CGGBP1: variants seen among roughly 807,000 people sequenced by gnomAD.
CGGBP1 encodes CGG triplet repeat binding protein 1.
CGGBP1 carries 4 observed loss-of-function variants against 11.4 expected under a neutral mutation model. That is an observed-to-expected ratio of 0.35 (90% confidence interval 0.17 to 0.80). The LOEUF is 0.80. CGGBP1 is among the 30% of genes least tolerant of loss of function. CGGBP1 has a pLI of 0.52. For synonymous variants in CGGBP1, 76 were observed against 74.1 expected (o/e 1.03, Z -0.13); for missense variants, 135 against 202.1 (o/e 0.67, Z 2.01).
rs150776191 is a variant in CGGBP1 at position 88,081,175 on chromosome 3, G to C, written c.-228-22952C>G. Among the ~76,000 whole-genome samples the C allele has an allele frequency of 6.2e-4, 95 of 152,284 alleles. No homozygotes were observed. The East Asian group carries it at 0.015, about 25-fold the overall frequency. ...ATCAATCTATGCATTTTTGGCAGAA[G>C]TGCCACAAAAATGGCATTGTGTCTT... On this transcript the variant is annotated intron_variant, in intron 2 of 3. Coordinates refer to the CGGBP1 transcript ENST00000462901.
intron 2 of CGGBP1, among the ~76,000 whole-genome samples, chr3:88,093,193 T>G (rs1428364142): frequency 6.6e-6 from 1 of 152,192 alleles, no homozygotes; most frequent in Non-Finnish European, 1.5e-5. Flanking sequence ...TCTTACTGGT[T>G]TTTTCCTTTT....
chr3:88,100,003 A>G (rs1489825757), intron 2 of CGGBP1, among the ~76,000 whole-genome samples: 1 of 152,258 alleles, frequency 6.6e-6, no homozygotes, highest in Non-Finnish European at 1.5e-5. Context: ...GAGCTTCTGC[A>G]CAGCAAAAGA....
At chr3:88,095,530 G>T in intron 2 of CGGBP1, 2 of 491,862 alleles carry the variant, frequency 4.1e-6, no homozygotes, top group East Asian at 5.9e-5. Flanking sequence ...TCTTTTGCAA[G>T]AACCAGGTCT....
In CGGBP1 at chr3:88,143,676, A is replaced by G. The variant is rs558308659; in HGVS notation, c.-337-2598T>C. On this transcript the variant is annotated intron_variant, in intron 1 of 3. Coordinates refer to the CGGBP1 transcript ENST00000462901. ...CTGTTCATGCCAAGATGTTTCAAATATATTCCATTTGTAATCTGTCTTTAA... is the reference window on the plus strand; with the variant it reads ...CTGTTCATGCCAAGATGTTTCAAATGTATTCCATTTGTAATCTGTCTTTAA... 5 of 152,450 alleles carry G rather than the reference A, an allele frequency of 3.3e-5. No homozygotes were observed. The East Asian group carries it at 9.6e-4, about 29-fold the overall frequency. 9.4% of individuals were successfully genotyped at this position (152,450 alleles called of 1,614,324 possible).
At chr3:88,098,470 A>C (rs1704198657) in intron 2 of CGGBP1, among the ~76,000 whole-genome samples, 1 of 152,210 alleles carries the variant, frequency 6.6e-6, no homozygotes, top group Non-Finnish European at 1.5e-5. Context: ...AATCCTCCCT[A>C]ACTCTTTTTA....
chr3:88,120,826 G>A (rs1005735136), intron 2 of CGGBP1, among the ~76,000 whole-genome samples: 50 of 151,876 alleles, frequency 3.3e-4, no homozygotes, highest in Admixed American at 2.4e-3. Context: ...TGATTATAGC[G>A]TATTTTTGAA....
intron 2 of CGGBP1, chr3:88,095,474 C>G (rs1486940786): frequency 7.4e-6 from 3 of 405,002 alleles, no homozygotes; most frequent in East Asian, 7.7e-5. Context: ...ACATCAGTCT[C>G]TCTTCATAAA....
chr3:88,070,538 C>T (rs1350794747), intron 2 of CGGBP1, among the ~76,000 whole-genome samples: 1 of 147,492 alleles, frequency 6.8e-6, no homozygotes, highest in East Asian at 2.0e-4. Context: ...TGCTATACGC[C>T]ACTGTGGCAA....
At chr3:88,084,563 A>C (rs1277464577) in intron 2 of CGGBP1, among the ~76,000 whole-genome samples, 1 of 152,162 alleles carries the variant, frequency 6.6e-6, no homozygotes, top group African/African-American at 2.4e-5. Flanking sequence ...TTCAGAGACA[A>C]TCTCCTTTAG....
intron 2 of CGGBP1, among the ~76,000 whole-genome samples, chr3:88,081,741 C>T (rs1354573204): frequency 2.0e-5 from 3 of 152,140 alleles, no homozygotes; most frequent in Non-Finnish European, 4.4e-5. Context: ...AAGTTCCAGG[C>T]TCATCTTGTG....
chr3:88,059,542 G>A, upstream of CGGBP1: 1 of 1,453,912 alleles, frequency 6.9e-7, no homozygotes, highest in South Asian at 1.4e-5. Flanking sequence ...TTGTCACCCG[G>A]GTCCTGGGCC....
chr3:88,059,217 G>C (rs1433678914), upstream of CGGBP1: 2 of 1,483,606 alleles, frequency 1.3e-6, no homozygotes, highest in South Asian at 1.3e-5. Context: ...GGCTAGGGAG[G>C]AGGGAAGGGG....
chr3:88,105,618 C>T (rs1704688862), intron 2 of CGGBP1, among the ~76,000 whole-genome samples: 2 of 152,076 alleles, frequency 1.3e-5, no homozygotes, highest in Non-Finnish European at 2.9e-5. Flanking sequence ...GAGCTTGTAC[C>T]ATTTTGTATA....
chr3:88,062,381 G>GT (rs1353891993), upstream of CGGBP1, among the ~76,000 whole-genome samples: 1 of 152,104 alleles, frequency 6.6e-6, no homozygotes, highest in African/African-American at 2.4e-5. Context: ...ATAGAGGGGA[G>GT]TTTTTTGTTG....
exon 1 of CGGBP1, chr3:88,149,851 C>T (rs1707377152): frequency 4.9e-6 from 3 of 610,640 alleles, no homozygotes; most frequent in Non-Finnish European, 8.6e-6. Context: ...TCACTCCGTC[C>T]CCAGCCCGGA....
intron 2 of CGGBP1, among the ~76,000 whole-genome samples, chr3:88,092,475 T>C (rs1703801646): frequency 6.6e-6 from 1 of 152,168 alleles, no homozygotes; most frequent in African/African-American, 2.4e-5. Context: ...AGCAAAAATG[T>C]GCTGGGTGAG....
chr3:88,097,599 A>G (rs1409394163), intron 2 of CGGBP1, among the ~76,000 whole-genome samples: 1 of 152,178 alleles, frequency 6.6e-6, no homozygotes, highest in Non-Finnish European at 1.5e-5. Context: ...ACTCCTCAGC[A>G]AATGTAAAAG....
chr3:88,086,050 A>G (rs547673166), intron 2 of CGGBP1, among the ~76,000 whole-genome samples: 4 of 152,294 alleles, frequency 2.6e-5, no homozygotes, highest in Non-Finnish European at 4.4e-5. Flanking sequence ...TTCATACACT[A>G]TATTTTCCAT....
intron 2 of CGGBP1, among the ~76,000 whole-genome samples, chr3:88,079,163 T>A (rs1475020664): frequency 6.6e-6 from 1 of 152,114 alleles, no homozygotes; most frequent in Non-Finnish European, 1.5e-5. Flanking sequence ...TACATTAATA[T>A]TATCATCGAG....
Sources: gnomAD v4.1 joint callset for allele counts (sites outside exome capture counted in the v4.1 genomes callset) on GRCh38, gnomAD v4.1.1 for gene constraint, MANE v1.5 for transcripts, NCBI Gene and HGNC (gene_info 2026-07-23, HGNC 2026-07-21) for gene names.